Variants in ORC3 observed in about 807,000 individuals in gnomAD.
The protein encoded by ORC3 is origin recognition complex subunit 3, also known as homolog of latheo, Drosophila.
A neutral mutation model predicts 100.7 loss-of-function variants in ORC3; 78 were observed. That is an observed-to-expected ratio of 0.77 (90% CI 0.65 to 0.94). The LOEUF (loss-of-function observed/expected upper bound fraction) is 0.94, where lower values mean the gene tolerates loss of function less well. Ranked by LOEUF, ORC3 falls within the 40% of genes least tolerant of loss-of-function variation. ORC3 has a pLI of 0.00. For missense variants in ORC3, 789 were observed against 823.9 expected, an observed-to-expected ratio of 0.96 and a Z score of 0.52; for synonymous variants, 295 against 289.3, an observed-to-expected ratio of 1.02 and a Z score of -0.20.
At chr6:87,593,581 G>A (rs936771664) in intron 1 of ORC3, among the ~76,000 whole-genome samples, 2 of 152,366 alleles carry the variant, frequency 1.3e-5, no homozygotes, top group South Asian at 2.1e-4. Context: ...AGAGAAGTAT[G>A]TAGAGTGAAA....
In ORC3 at chr6:87,596,885, A is replaced by G. The variant is rs112292182; in HGVS notation, c.79+2478A>G. Among the ~76,000 whole-genome samples, 86 of 152,326 alleles carry G rather than the reference A, an allele frequency of 5.6e-4. 2 individuals carry two copies. The highest frequency in any genetic ancestry group is 2.0e-3 in the African/African-American group (85 of 41,574). ...TAATTGTAGATGCACATATAATTAC[A>G]GGTAATACTCTTCCACCAGTAAGTA... On this transcript the variant is annotated intron_variant, in intron 2 of 19. Transcript: ENST00000392844.
chr6:87,666,971 T>C, intron 19 of ORC3, 47 bp from the exon 20 acceptor site: 1 of 1,168,180 alleles, frequency 8.6e-7, no homozygotes. Flanking sequence ...TTAATCCCTT[T>C]TTGTCAAAAA....
intron 11 of ORC3, among the ~76,000 whole-genome samples, chr6:87,623,743 G>A (rs1455385744): frequency 3.3e-5 from 5 of 152,056 alleles, no homozygotes; most frequent in Admixed American, 3.3e-4. Flanking sequence ...AATTAGCTGG[G>A]CGTGGTAGCG....
intron 4 of ORC3, among the ~76,000 whole-genome samples, chr6:87,605,101 C>T (rs900644005): frequency 2.0e-5 from 3 of 152,036 alleles, no homozygotes; most frequent in African/African-American, 7.2e-5. Flanking sequence ...TATGCGGTGC[C>T]CTGAAACTCT....
At chr6:87,619,321 A>G (rs1486669086) in intron 9 of ORC3, among the ~76,000 whole-genome samples, 1 of 152,200 alleles carries the variant, frequency 6.6e-6, no homozygotes, top group Non-Finnish European at 1.5e-5. Context: ...TAAAGCAATC[A>G]GATTAGATGA....
intron 13 of ORC3, among the ~76,000 whole-genome samples, chr6:87,643,633 A>T (rs899767501): frequency 3.3e-5 from 5 of 152,198 alleles, no homozygotes; most frequent in Admixed American, 3.3e-4. Context: ...TTTATTAAAC[A>T]TTTACTGCCT....
intron 10 of ORC3, 134 bp downstream of exon 10, chr6:87,621,621 T>A: frequency 1.4e-6 from 1 of 696,750 alleles, no homozygotes; most frequent in Non-Finnish European, 2.2e-6. Context: ...GGATTTCCCT[T>A]GTTGGATTTG....
chr6:87,673,474 A>G, the ORC3 span, among the ~76,000 whole-genome samples: 1 of 152,258 alleles, frequency 6.6e-6, no homozygotes, highest in South Asian at 2.1e-4. Flanking sequence ...AGCAATAGCC[A>G]CCACGACAAA....
At chr6:87,622,926 C>T (rs1779636309) in intron 11 of ORC3, among the ~76,000 whole-genome samples, 1 of 152,096 alleles carries the variant, frequency 6.6e-6, no homozygotes, top group African/African-American at 2.4e-5. Flanking sequence ...CATAATGTCA[C>T]ATTTATTTTC....
At chr6:87,666,587 T>C (rs961165954) in intron 19 of ORC3, among the ~76,000 whole-genome samples, 1 of 151,568 alleles carries the variant, frequency 6.6e-6, no homozygotes, top group Non-Finnish European at 1.5e-5. Flanking sequence ...TACAGGCGCC[T>C]GCCACCATGC....
At chr6:87,592,509 A>G (rs1777106499) in intron 1 of ORC3, among the ~76,000 whole-genome samples, 1 of 152,136 alleles carries the variant, frequency 6.6e-6, no homozygotes. Flanking sequence ...GGCGCCTGTA[A>G]TCCCAGCCTC....
intron 11 of ORC3, among the ~76,000 whole-genome samples, chr6:87,631,886 G>A (rs1239583003): frequency 6.6e-6 from 1 of 152,156 alleles, no homozygotes; most frequent in East Asian, 1.9e-4. Flanking sequence ...AAGGCCGGGT[G>A]CAGTATCTCA....
intron 9 of ORC3, among the ~76,000 whole-genome samples, chr6:87,619,686 G>A (rs1195916598): frequency 6.6e-6 from 1 of 152,118 alleles, no homozygotes; most frequent in African/African-American, 2.4e-5. Flanking sequence ...TATTATAGGC[G>A]TGAGCCACCT....
intron 2 of ORC3, chr6:87,595,235 T>G (rs1484514583): frequency 5.9e-5 from 9 of 152,118 alleles, no homozygotes; most frequent in Non-Finnish European, 1.2e-4. Flanking sequence ...GGAATTGGAG[T>G]GTGATCCTGA....
At chr6:87,622,097 A>G in intron 11 of ORC3, 84 bp downstream of exon 11, 1 of 900,480 alleles carries the variant, frequency 1.1e-6, no homozygotes, top group Admixed American at 2.0e-5. Context: ...TGAGTTAATA[A>G]AACATATTTG....
At chr6:87,604,817 G>A (rs1778212962) in intron 4 of ORC3, among the ~76,000 whole-genome samples, 1 of 151,914 alleles carries the variant, frequency 6.6e-6, no homozygotes, top group South Asian at 2.1e-4. Flanking sequence ...TTAAAAAATA[G>A]TCTGCTAATA....
intron 18 of ORC3, 118 bp downstream of exon 18, chr6:87,664,977 T>TTTATTTGGAA: frequency 1.5e-6 from 1 of 658,408 alleles, no homozygotes; most frequent in Non-Finnish European, 2.6e-6. Context: ...TGCCTTGTCT[T>TTTATTTGGAA]TTATTTGGAA....
At chr6:87,647,513 G>C (rs1015011591) in intron 13 of ORC3, among the ~76,000 whole-genome samples, 1 of 152,018 alleles carries the variant, frequency 6.6e-6, no homozygotes, top group South Asian at 2.1e-4. Context: ...ATGGCTCTCC[G>C]CTTATTCTGT....
rs529725987 is a variant in ORC3 at position 87,666,958 on chromosome 6, AT to A, written c.2031-56del. On this transcript the variant is annotated intron_variant, in intron 19 of 19. Transcript: ENST00000392844. The stretch of plus-strand genomic sequence containing the variant: ...TACCAACTAGTATTTTAACATTGAG[AT>A]TTTAATCCCTTTTTGTCAAAAATAC... The A allele has an allele frequency of 2.6e-3, 2,503 of 973,968 alleles. 18 individuals carry two copies. The highest frequency in any genetic ancestry group is 9.1e-3 in the South Asian group (616 of 67,508). 60.3% of individuals were successfully genotyped at this position (973,968 alleles called of 1,614,324 possible).
Sources: allele counts gnomAD v4.1 joint callset (sites outside exome capture counted in the v4.1 genomes callset), GRCh38; gene constraint gnomAD v4.1.1; transcripts MANE v1.5; gene names NCBI Gene and HGNC (gene_info 2026-07-23, HGNC 2026-07-21).